PTPRD: variants seen among roughly 807,000 people sequenced by gnomAD.
The protein encoded by PTPRD is receptor-type tyrosine-protein phosphatase delta.
In PTPRD, 34 loss-of-function variants were observed where a neutral mutation model predicts 214.5. The ratio of observed to expected loss-of-function variants is 0.16; its 90% CI spans 0.12 to 0.21. PTPRD has a LOEUF of 0.21. Among genes scored for constraint, PTPRD ranks in the 10% least tolerant of loss-of-function variants. The pLI, the probability that PTPRD is intolerant of heterozygous loss-of-function variation, is 1.00. For missense variants in PTPRD, 2,545 were observed against 2,398.7 expected (o/e 1.06, Z -1.27); for synonymous variants, 1,128 against 845.7 (o/e 1.33, Z -5.79).
chr9:9,141,156 C>A (rs2099859745), intron 10 of PTPRD, among the ~76,000 whole-genome samples: 1 of 148,288 alleles, frequency 6.7e-6, no homozygotes. Context: ...CTCCCATCCT[C>A]CCCTCCCCTC....
chr9:10,150,993 T>C (rs2099056814), intron 3 of PTPRD, among the ~76,000 whole-genome samples: 1 of 151,676 alleles, frequency 6.6e-6, no homozygotes, highest in African/African-American at 2.4e-5. Flanking sequence ...ATGAGGTGAG[T>C]TGTGGATATA....
intron 8 of PTPRD, among the ~76,000 whole-genome samples, chr9:9,435,438 G>A (rs2084858918): frequency 6.6e-6 from 1 of 150,576 alleles, no homozygotes; most frequent in Non-Finnish European, 1.5e-5. Context: ...TCGAACCCAG[G>A]AGTTGGAAGC....
intron 5 of PTPRD, among the ~76,000 whole-genome samples, chr9:9,835,164 C>T (rs1005208148): frequency 3.3e-5 from 5 of 152,072 alleles, no homozygotes; most frequent in African/African-American, 1.2e-4. Flanking sequence ...AGTGTTAGTA[C>T]AAAATACAAG....
chr9:9,142,158 G>A (rs1320740807), intron 10 of PTPRD, among the ~76,000 whole-genome samples: 1 of 152,230 alleles, frequency 6.6e-6, no homozygotes, highest in Non-Finnish European at 1.5e-5. Flanking sequence ...CTCTTTGAAT[G>A]CAGGCTCATT....
Position 8,681,699 on chromosome 9 carries a change from G to A in PTPRD, c.65-44855C>T, listed in dbSNP as rs76236784. Reference sequence around the variant, plus strand: ...CATATAGACAAGTTGCTTTTGTAGAGATACCCCACTGCAAACATTCTTTTA... The same window carrying A: ...CATATAGACAAGTTGCTTTTGTAGAAATACCCCACTGCAAACATTCTTTTA... On this transcript the variant is annotated intron_variant, in intron 12 of 45. Coordinates refer to ENST00000381196, the MANE Select transcript of PTPRD (RefSeq NM_002839.4). Among the ~76,000 whole-genome samples the A allele has an allele frequency of 1.3e-3, 195 of 152,288 alleles. 2 individuals carry two copies. The East Asian group carries it at 0.014, about 11-fold the overall frequency.
At chr9:9,889,372 A>G (rs1173910451) in intron 5 of PTPRD, among the ~76,000 whole-genome samples, 1 of 151,426 alleles carries the variant, frequency 6.6e-6, no homozygotes, top group Non-Finnish European at 1.5e-5. Context: ...TGGCATACAT[A>G]ATATATACAA....
At chr9:10,345,296 C>T (rs1281275525) in intron 2 of PTPRD, among the ~76,000 whole-genome samples, 1 of 151,858 alleles carries the variant, frequency 6.6e-6, no homozygotes, top group African/African-American at 2.4e-5. Context: ...TGTTATTATA[C>T]TTTAAGTTCT....
intron 10 of PTPRD, among the ~76,000 whole-genome samples, chr9:9,067,186 C>A (rs2099736019): frequency 6.6e-6 from 1 of 152,174 alleles, no homozygotes; most frequent in Admixed American, 6.5e-5. Flanking sequence ...GCCTAGATAG[C>A]ACCATTGCAC....
intron 2 of PTPRD, among the ~76,000 whole-genome samples, chr9:10,363,997 T>TTGTTTTTG (rs769486650): frequency 9.6e-5 from 3 of 31,260 alleles, no homozygotes; most frequent in African/African-American, 1.7e-4. Flanking sequence ...TCGGGTTTTT[T>TTGTTTTTG]TTTTTTTTTT....
At chr9:10,087,748 A>G (rs2098370870) in intron 3 of PTPRD, among the ~76,000 whole-genome samples, 1 of 151,734 alleles carries the variant, frequency 6.6e-6, no homozygotes, top group Non-Finnish European at 1.5e-5. Flanking sequence ...ATATTGCAAC[A>G]ATTATTATGG....
At chr9:10,278,508 C>A (rs2094865888) in intron 3 of PTPRD, among the ~76,000 whole-genome samples, 1 of 152,100 alleles carries the variant, frequency 6.6e-6, no homozygotes, top group African/African-American at 2.4e-5. Flanking sequence ...TAATAAGATT[C>A]TAAGTAAGAT....
At chr9:10,460,566 C>A (rs1433430367) in intron 2 of PTPRD, among the ~76,000 whole-genome samples, 1 of 152,024 alleles carries the variant, frequency 6.6e-6, no homozygotes, top group Non-Finnish European at 1.5e-5. Context: ...CAAAATAAAT[C>A]TAAACATATA....
intron 11 of PTPRD, among the ~76,000 whole-genome samples, chr9:8,823,641 G>A (rs971214443): frequency 6.6e-6 from 1 of 151,130 alleles, no homozygotes; most frequent in African/African-American, 2.4e-5. Context: ...AACAGAGTGA[G>A]ACCCTGTTTC....
chr9:8,440,908 GAA>G (rs2095526492), intron 34 of PTPRD, among the ~76,000 whole-genome samples: 2 of 152,170 alleles, frequency 1.3e-5, no homozygotes, highest in Admixed American at 6.5e-5. Flanking sequence ...CTCAAATCCA[GAA>G]AAGTTAGATG....
intron 4 of PTPRD, among the ~76,000 whole-genome samples, chr9:9,952,000 T>A (rs968357548): frequency 6.6e-6 from 1 of 152,182 alleles, no homozygotes; most frequent in East Asian, 1.9e-4. Context: ...CACACAATTA[T>A]GGCCTACAGG....
intron 11 of PTPRD, among the ~76,000 whole-genome samples, chr9:8,897,330 G>A (rs73422020): frequency 0.029 from 4,422 of 151,234 alleles, 208 homozygotes; most frequent in African/African-American, 0.1. Context: ...TTTTTTTTTC[G>A]TAGCATGGTC....
At chr9:9,167,553 G>A (rs973241142) in intron 10 of PTPRD, among the ~76,000 whole-genome samples, 33 of 151,900 alleles carry the variant, frequency 2.2e-4, no homozygotes, top group African/African-American at 7.5e-4. Flanking sequence ...TCGGGAGTTC[G>A]AGACCAGCCT....
intron 3 of PTPRD, among the ~76,000 whole-genome samples, chr9:10,328,056 C>G (rs1056202498): frequency 4.6e-5 from 7 of 151,362 alleles, no homozygotes; most frequent in African/African-American, 1.7e-4. Context: ...GATGAGCTTC[C>G]ATCTTTAAAG....
At chr9:8,835,011 G>C (rs553849288) in intron 11 of PTPRD, among the ~76,000 whole-genome samples, 1 of 152,172 alleles carries the variant, frequency 6.6e-6, no homozygotes, top group Non-Finnish European at 1.5e-5. Flanking sequence ...GAATCTAACT[G>C]CATGAAAAGA....
Sources: gnomAD v4.1 joint callset for allele counts (sites outside exome capture counted in the v4.1 genomes callset) on GRCh38, gnomAD v4.1.1 for gene constraint, MANE v1.5 for transcripts, NCBI Gene and HGNC (gene_info 2026-07-23, HGNC 2026-07-21) for gene names.